RBM6: variants seen among roughly 807,000 people sequenced by gnomAD.
The protein encoded by RBM6 is RNA-binding protein 6.
RBM6 carries 23 observed loss-of-function variants against 140.4 expected under a neutral mutation model. The ratio of observed to expected loss-of-function variants is 0.16; its 90% CI spans 0.12 to 0.23. The LOEUF is 0.23. Among genes scored for constraint, RBM6 ranks in the 10% least tolerant of loss-of-function variants. The pLI is 1.00. For synonymous variants in RBM6, 439 were observed against 475.6 expected (o/e 0.92, Z 1.00); for missense variants, 1,139 against 1,386.7 (o/e 0.82, Z 2.84).
chr3:49,966,717 C>G (rs771327229), intron 2 of RBM6, among the ~76,000 whole-genome samples: 5 of 152,176 alleles, frequency 3.3e-5, no homozygotes, highest in East Asian at 1.9e-4. Context: ...GATGCTGTTG[C>G]GTGGCTTAGA....
chr3:49,956,328 C>CTGTTT (rs2083986930), intron 1 of RBM6, among the ~76,000 whole-genome samples: 1 of 72,054 alleles, frequency 1.4e-5, no homozygotes, highest in African/African-American at 5.9e-5. Flanking sequence ...CCCTCCCCCG[C>CTGTTT]TTTTTTTTTT....
intron 13 of RBM6, 43 bp from the exon 14 acceptor site, chr3:50,061,419 A>ATT (rs1015908302): frequency 1.9e-6 from 3 of 1,586,016 alleles, no homozygotes; most frequent in Non-Finnish European, 2.6e-6. Context: ...TAAGGGCTTC[A>ATT]TTGGACAGAG....
intron 6 of RBM6, among the ~76,000 whole-genome samples, chr3:50,006,337 T>C (rs1163849066): frequency 2.6e-5 from 4 of 152,048 alleles, no homozygotes; most frequent in South Asian, 2.1e-4. Context: ...GGTTTCACCA[T>C]GTTGGCCAGG....
At position 49,967,202 on chromosome 3, in the gene RBM6, G is replaced by A. The variant is rs2084551437; in HGVS notation, c.45-268G>A. 8.2e-7 allele frequency: 1 copy of A among 1,222,494 alleles called. No individual in the cohort carries two copies. The highest frequency in any genetic ancestry group is 1.0e-6 in the Non-Finnish European group (1 of 978,340). The allele number at this position is 1,222,494 out of a possible 1,614,324, so 75.7% of individuals were successfully genotyped here. On this transcript the variant is annotated intron_variant, in intron 2 of 20. Transcript: ENST00000266022. The surrounding 1 kb of genome is among the most constrained non-coding windows in gnomAD (Gnocchi z 4.0). ...TGCGGATTTTCCCTGTTGCAGGACT[G>A]GGTGAAAGCTTTTTCTGCAGCAGTC...
chr3:50,035,712 C>T lies in RBM6; in HGVS notation c.1558-12533C>T, dbSNP rs116062508. On this transcript the variant is annotated intron_variant, in intron 6 of 20. Coordinates refer to ENST00000266022, the MANE Select transcript of RBM6 (RefSeq NM_005777.3). ...AAAATAAATAAAAAAGAAACTTCAG[C>T]ATGCTTCCTAATACTGTTCAAAGGT... is the stretch of plus-strand genomic sequence containing the variant. 7.2e-3 allele frequency among the ~76,000 whole-genome samples: 1,090 copies of T among 152,008 alleles called. 17 individuals carry two copies. The highest frequency in any genetic ancestry group is 0.024 in the African/African-American group (1,002 of 41,500).
At chr3:50,035,867 C>A (rs1020985890) in intron 6 of RBM6, among the ~76,000 whole-genome samples, 2 of 151,736 alleles carry the variant, frequency 1.3e-5, no homozygotes, top group African/African-American at 4.8e-5. Flanking sequence ...TCAAGCAATT[C>A]TCGTGCCTCA....
chr3:50,034,770 A>G (rs559984245), intron 6 of RBM6, among the ~76,000 whole-genome samples: 2 of 152,298 alleles, frequency 1.3e-5, no homozygotes, highest in East Asian at 1.9e-4. Context: ...CCAAAAAAAA[A>G]GGCAATGAAT....
chr3:50,011,171 G>C (rs1405026872), intron 6 of RBM6, among the ~76,000 whole-genome samples: 1 of 151,720 alleles, frequency 6.6e-6, no homozygotes, highest in East Asian at 1.9e-4. Context: ...AGTGAGCCAT[G>C]ATTAGATCAC....
intron 6 of RBM6, among the ~76,000 whole-genome samples, chr3:50,041,098 C>T (rs1559621128): frequency 1.3e-5 from 2 of 152,144 alleles, no homozygotes; most frequent in African/African-American, 4.8e-5. Flanking sequence ...TAGTCTAAAA[C>T]GTTTGCTGTC....
intron 6 of RBM6, among the ~76,000 whole-genome samples, chr3:50,033,998 A>G (rs1275395989): frequency 1.3e-5 from 2 of 152,026 alleles, no homozygotes; most frequent in African/African-American, 4.8e-5. Context: ...ACATACAAGG[A>G]CAGAGATCAA....
chr3:49,970,004 G>A (rs2624850), intron 3 of RBM6, among the ~76,000 whole-genome samples: 5,923 of 151,658 alleles, frequency 0.039, 411 homozygotes, highest in African/African-American at 0.14. Context: ...GCAGTGGCAC[G>A]ATCTTGGCTC....
intron 1 of RBM6, among the ~76,000 whole-genome samples, chr3:49,954,448 A>G (rs1244498642): frequency 6.6e-6 from 1 of 151,910 alleles, no homozygotes; most frequent in Non-Finnish European, 1.5e-5. Flanking sequence ...TCAAAAAAAA[A>G]AAAAAAAAAA....
chr3:50,043,827 C>T (rs1017775769), intron 6 of RBM6, among the ~76,000 whole-genome samples: 3 of 151,966 alleles, frequency 2.0e-5, no homozygotes, highest in African/African-American at 7.2e-5. Context: ...TGTGATCCTC[C>T]CACCTCAGCC....
chr3:49,970,932 C>G (rs1348584305), intron 3 of RBM6, among the ~76,000 whole-genome samples: 1 of 152,000 alleles, frequency 6.6e-6, no homozygotes, highest in African/African-American at 2.4e-5. Context: ...GATTTCAAGA[C>G]CAGCCTGGTC....
At chr3:49,984,266 G>C (rs538782066) in intron 5 of RBM6, among the ~76,000 whole-genome samples, 4 of 152,074 alleles carry the variant, frequency 2.6e-5, no homozygotes, top group Non-Finnish European at 5.9e-5. Flanking sequence ...TCATGCCACT[G>C]CACTCCAGCA....
At chr3:50,029,602 G>A (rs887893660) in intron 6 of RBM6, among the ~76,000 whole-genome samples, 3 of 152,184 alleles carry the variant, frequency 2.0e-5, no homozygotes, top group African/African-American at 2.4e-5. Flanking sequence ...GCGTGGTGGC[G>A]TGTACCTGTA....
chr3:50,046,395 C>T (rs958182836), intron 6 of RBM6, among the ~76,000 whole-genome samples: 8 of 151,306 alleles, frequency 5.3e-5, no homozygotes, highest in African/African-American at 1.7e-4. Flanking sequence ...GCCTGACCAA[C>T]GTGGAGAAAC....
At chr3:49,990,802 G>A (rs2085783409) in intron 5 of RBM6, among the ~76,000 whole-genome samples, 1 of 152,174 alleles carries the variant, frequency 6.6e-6, no homozygotes, top group African/African-American at 2.4e-5. Flanking sequence ...CAGGTGAATT[G>A]ATAGATGGAT....
chr3:49,989,168 T>C (rs1219266919), intron 5 of RBM6, among the ~76,000 whole-genome samples: 1 of 152,308 alleles, frequency 6.6e-6, no homozygotes, highest in East Asian at 1.9e-4. Context: ...ACGAAACAAC[T>C]TCCTGCCTTT....
Sources: allele counts gnomAD v4.1 joint callset (sites outside exome capture counted in the v4.1 genomes callset), GRCh38; gene constraint gnomAD v4.1.1; non-coding constraint Gnocchi (gnomAD v3.1); transcripts MANE v1.5; gene names NCBI Gene and HGNC (gene_info 2026-07-23, HGNC 2026-07-21).